Variants in LARS2 observed in about 807,000 individuals in gnomAD.
LARS2 encodes leucyl-tRNA synthetase 2, mitochondrial.
In LARS2, 81 loss-of-function variants were observed where a neutral mutation model predicts 116.6. The observed-to-expected ratio is 0.69, with a 90% CI of 0.58 to 0.84. The LOEUF is 0.84. Among genes scored for constraint, LARS2 ranks in the 40% least tolerant of loss-of-function variants. The pLI is 0.00. For synonymous variants in LARS2, 396 were observed against 407.2 expected (o/e 0.97, Z 0.33); for missense variants, 968 against 1,114.5 (o/e 0.87, Z 1.87).
chr3:45,447,664 ACTT>A (rs1319310775), intron 7 of LARS2, among the ~76,000 whole-genome samples: 1 of 152,196 alleles, frequency 6.6e-6, no homozygotes, highest in Admixed American at 6.5e-5. Flanking sequence ...AGCCAAATAA[ACTT>A]CTATCAATAA....
At chr3:45,449,777 C>T (rs1559473013) in intron 7 of LARS2, among the ~76,000 whole-genome samples, 1 of 152,184 alleles carries the variant, frequency 6.6e-6, no homozygotes, top group Non-Finnish European at 1.5e-5. Flanking sequence ...AGTTAACTGA[C>T]TTTAGAAATA....
At chr3:45,450,223 A>G (rs1019674527) in intron 7 of LARS2, among the ~76,000 whole-genome samples, 7 of 152,106 alleles carry the variant, frequency 4.6e-5, no homozygotes, top group Admixed American at 3.3e-4. Context: ...CACCTCAAAC[A>G]TTTATCTTTC....
chr3:45,481,225 A>G (rs912984359), intron 10 of LARS2, among the ~76,000 whole-genome samples: 85 of 152,304 alleles, frequency 5.6e-4, no homozygotes, highest in African/African-American at 2.0e-3. Flanking sequence ...ATAATCCTCC[A>G]TTATATGGAT....
At chr3:45,430,773 G>A (rs1698697800) in intron 6 of LARS2, among the ~76,000 whole-genome samples, 1 of 149,936 alleles carries the variant, frequency 6.7e-6, no homozygotes, top group South Asian at 2.1e-4. Flanking sequence ...CTTTAGTAGA[G>A]ACGGGGTTTC....
At chr3:45,518,659 T>C (rs1700407944) in intron 18 of LARS2, among the ~76,000 whole-genome samples, 1 of 152,178 alleles carries the variant, frequency 6.6e-6, no homozygotes, top group East Asian at 1.9e-4. Context: ...TGTGAACTAT[T>C]GTGGGTTAAT....
intron 20 of LARS2, among the ~76,000 whole-genome samples, chr3:45,540,209 A>G (rs182661118): frequency 3.9e-4 from 59 of 152,286 alleles, no homozygotes; most frequent in African/African-American, 1.3e-3. Flanking sequence ...CAGTGAGCCA[A>G]GATCGCGCCA....
In LARS2 at chr3:45,506,060, A is replaced by G. The variant is rs1259635453; in HGVS notation, c.1760+5481A>G. ...GCTTTACCATCAACATTAAGGAACA[A>G]CTATATGGTGTAAATTGAAATAGAC... is the stretch of plus-strand genomic sequence containing the variant. On this transcript the variant is annotated intron_variant, in intron 15 of 21. Transcript: ENST00000645846. Among the ~76,000 whole-genome samples the G allele has an allele frequency of 5.3e-5, 8 of 152,120 alleles. No individual in the cohort carries two copies. The East Asian group carries it at 7.7e-4, about 15-fold the overall frequency.
rs1698114026 is a variant in LARS2 at position 45,399,851 on chromosome 3, G to A, written c.235-394G>A. On this transcript the variant is annotated intron_variant, in intron 3 of 21. Coordinates refer to ENST00000645846, the MANE Select transcript of LARS2 (RefSeq NM_015340.4). ...TATCATTCTTATGCCTCATAGCTTA[G>A]CTCCCACATATCAGTGAGAACATAA... 2.0e-5 allele frequency among the ~76,000 whole-genome samples: 3 copies of A among 151,332 alleles called. No homozygotes were observed. The South Asian group carries it at 6.2e-4, about 31-fold the overall frequency.
intron 8 of LARS2, among the ~76,000 whole-genome samples, chr3:45,465,576 C>T (rs943307210): frequency 2.0e-5 from 3 of 152,200 alleles, no homozygotes; most frequent in Non-Finnish European, 4.4e-5. Context: ...TTAATAACAG[C>T]CCGGGGCCAA....
intron 14 of LARS2, among the ~76,000 whole-genome samples, chr3:45,499,312 G>A (rs1438273792): frequency 1.3e-5 from 2 of 152,110 alleles, no homozygotes; most frequent in African/African-American, 4.8e-5. Flanking sequence ...TGTGGTGTCA[G>A]GCATCTGTAA....
intron 12 of LARS2, 132 bp from the exon 13 acceptor site, chr3:45,491,385 T>G: frequency 1.1e-6 from 1 of 910,360 alleles, no homozygotes; most frequent in Non-Finnish European, 1.7e-6. Flanking sequence ...CTCATGAAAG[T>G]TATGACACAG....
intron 4 of LARS2, among the ~76,000 whole-genome samples, chr3:45,407,437 A>C (rs1698250323): frequency 6.6e-6 from 1 of 152,210 alleles, no homozygotes; most frequent in South Asian, 2.1e-4. Flanking sequence ...CCTTGACTGG[A>C]AACTGGCAGA....
At chr3:45,451,860 G>C (rs900099373) in intron 7 of LARS2, among the ~76,000 whole-genome samples, 1 of 151,858 alleles carries the variant, frequency 6.6e-6, no homozygotes, top group Non-Finnish European at 1.5e-5. Flanking sequence ...TTTTTTGTTT[G>C]TCCTTTTCAA....
chr3:45,494,808 C>T (rs1040591644), intron 13 of LARS2, among the ~76,000 whole-genome samples: 12 of 152,340 alleles, frequency 7.9e-5, no homozygotes, highest in Non-Finnish European at 1.3e-4. Flanking sequence ...TGGCTCATGC[C>T]TGTGATCCCA....
chr3:45,547,396 G>T lies in LARS2; in HGVS notation c.2578G>T (p.Ala860Ser). The T allele has an allele frequency of 1.2e-6, 2 of 1,613,092 alleles. No homozygotes were observed. The highest frequency in any genetic ancestry group is 1.7e-6 in the Non-Finnish European group (2 of 1,179,670). ...CGKIPVPQQV[A>S]RDQDKVHEFV... The stretch of plus-strand genomic sequence containing the variant: ...CAAAATTCCTGTGCCCCAACAAGTT[G>T]CCCGGGACCAGGACAAAGTCCACGA... Residue 860 changes from alanine (A) to serine (S), a missense_variant, in exon 22 of 22, where the codon GCC (alanine) becomes TCC (serine). Coordinates refer to ENST00000645846, the MANE Select transcript of LARS2 (RefSeq NM_015340.4).
rs144694969 is a variant in LARS2, at chr3:45,474,254, C to A, written c.762C>A (p.Asp254Glu). The change falls in exon 9 of 22, where the codon GAC becomes GAA. Residue 254 changes from aspartate (D) to glutamate (E), a missense_variant. Transcript: ENST00000645846. ...KTTAYAKAMQ[D>E]ALADLPEWYG... ...TTTCATTTGCACAGGCCATGCAGGA[C>A]GCGTTGGCAGACCTTCCAGAATGGT... 3 of 1,608,354 alleles carry A rather than the reference C, an allele frequency of 1.9e-6. No individual in the cohort carries two copies. The highest frequency in any genetic ancestry group is 1.1e-5 in the South Asian group (1 of 90,402).
chr3:45,540,809 AG>A (rs1251740130), intron 20 of LARS2, among the ~76,000 whole-genome samples: 1 of 150,172 alleles, frequency 6.7e-6, no homozygotes, highest in African/African-American at 2.5e-5. Flanking sequence ...TCTATGAGAC[AG>A]GGTCTTGCTC....
chr3:45,436,759 A>G (rs1698813787), intron 6 of LARS2, among the ~76,000 whole-genome samples: 1 of 147,362 alleles, frequency 6.8e-6, no homozygotes, highest in Non-Finnish European at 1.5e-5. Context: ...GCGCCACTGC[A>G]GTCCGCAGTC....
intron 1 of LARS2, 150 bp downstream of exon 1, chr3:45,388,830 A>C (rs575842786): frequency 4.6e-5 from 7 of 152,358 alleles, no homozygotes; most frequent in African/African-American, 1.7e-4. Flanking sequence ...GAAACTGAAA[A>C]TATCTGAGAT....
Sources: gnomAD v4.1 joint callset for allele counts (sites outside exome capture counted in the v4.1 genomes callset) on GRCh38, gnomAD v4.1.1 for gene constraint, MANE v1.5 for transcripts, NCBI Gene and HGNC (gene_info 2026-07-23, HGNC 2026-07-21) for gene names.